Variants in ZDHHC23 observed in about 807,000 individuals in gnomAD.
ZDHHC23 encodes palmitoyltransferase ZDHHC23.
A neutral mutation model predicts 40.2 loss-of-function variants in ZDHHC23; 41 were observed. The ratio of observed to expected loss-of-function variants is 1.02; its 90% CI spans 0.79 to 1.32. The LOEUF is 1.32. Ranked by LOEUF, ZDHHC23 falls within the 40% of genes most tolerant of loss-of-function variation. The probability of loss-of-function intolerance (pLI) is 0.00; values close to 1 mark genes in which losing one functional copy is unlikely to be tolerated. For synonymous variants in ZDHHC23, 204 were observed against 210.2 expected (o/e 0.97, Z 0.26); for missense variants, 471 against 541.5 (o/e 0.87, Z 1.29).
chr3:113,973,970 C>T, the ZDHHC23 span, among the ~76,000 whole-genome samples: 1 of 150,344 alleles, frequency 6.7e-6, no homozygotes, highest in African/African-American at 2.4e-5. Flanking sequence ...GTCTTCATTC[C>T]TTTTCTTTTT....
the ZDHHC23 span, among the ~76,000 whole-genome samples, chr3:113,970,939 T>A: frequency 6.6e-6 from 1 of 152,206 alleles, no homozygotes; most frequent in Non-Finnish European, 1.5e-5. Flanking sequence ...GGTGTATATG[T>A]GCCACATTTT....
rs1319388497 is a variant in ZDHHC23 at position 113,963,311 on chromosome 3, A to C, written c.*4681A>C. ...GGCGCCATTGGAATATGGGCTGCTA[A>C]AGACTCAATTTCTAGTTGATGTTTG... On this transcript the variant is annotated 3_prime_UTR_variant, in exon 5 of 5. Coordinates refer to ENST00000638807, the MANE Select transcript of ZDHHC23 (RefSeq NM_001320466.2). The C allele has an allele frequency of 6.6e-6, 1 of 152,208 alleles. No homozygotes were observed. The highest frequency in any genetic ancestry group is 1.9e-4 in the East Asian group (1 of 5,200). The allele number at this position is 152,208 out of a possible 1,614,324, so 9.4% of individuals were successfully genotyped here.
chr3:113,969,113 A>G (rs912575910), downstream of ZDHHC23, among the ~76,000 whole-genome samples: 2 of 152,206 alleles, frequency 1.3e-5, no homozygotes, highest in African/African-American at 4.8e-5. Flanking sequence ...TAATAGAGTG[A>G]GAATGCACTC....
chr3:113,954,394 G>GA lies in ZDHHC23; in HGVS notation c.857dup (p.Asp286GlufsTer9), dbSNP rs1938976337. 6.3e-7 allele frequency: 1 copy of GA among 1,595,472 alleles called. No individual in the cohort carries two copies. Among genetic ancestry groups the GA allele is most frequent in the Admixed American group, 1.8e-5 (1 of 56,072 alleles). Reference sequence around the variant, plus strand: ...ATGTGGCATCTGTGTGAGGAGAATGGATCATCATTGTGTCTGGTATGTTGG... The same window carrying GA: ...ATGTGGCATCTGTGTGAGGAGAATGGAATCATCATTGTGTCTGGTATGTTGG... On this transcript the variant is annotated frameshift_variant, in exon 3 of 5. Coordinates refer to ENST00000638807, the MANE Select transcript of ZDHHC23 (RefSeq NM_001320466.2). LOFTEE classifies it high-confidence loss of function.
chr3:113,951,583 G>T (rs1938664333), intron 2 of ZDHHC23, among the ~76,000 whole-genome samples: 1 of 152,120 alleles, frequency 6.6e-6, no homozygotes, highest in Non-Finnish European at 1.5e-5. Context: ...GGGTGCCCTG[G>T]GCCCTCTTAT....
chr3:113,960,801 G>A lies in ZDHHC23; in HGVS notation c.*2171G>A. The A allele has an allele frequency of 6.7e-7, 1 of 1,496,972 alleles. No homozygotes were observed. Among genetic ancestry groups the A allele is most frequent in the Non-Finnish European group, 8.8e-7 (1 of 1,131,004 alleles). The allele number at this position is 1,496,972 out of a possible 1,614,324, so 92.7% of individuals were successfully genotyped here. A position where few individuals can be genotyped will look rare whatever the true frequency, so the allele number is the denominator to read the frequency against. On this transcript the variant is annotated 3_prime_UTR_variant, in exon 5 of 5. Coordinates refer to ENST00000638807, the MANE Select transcript of ZDHHC23 (RefSeq NM_001320466.2). ...TATTATTCAGGTTTATTGGCACGAAGATACTTGTTTTAAGTTCCTTGAGAA... is the reference window on the plus strand; with the variant it reads ...TATTATTCAGGTTTATTGGCACGAAAATACTTGTTTTAAGTTCCTTGAGAA...
At chr3:113,977,534 T>A in the ZDHHC23 span, among the ~76,000 whole-genome samples, 1 of 152,210 alleles carries the variant, frequency 6.6e-6, no homozygotes, top group South Asian at 2.1e-4. Flanking sequence ...CATAACTGTA[T>A]TTTAAATATT....
intron 4 of ZDHHC23, chr3:113,957,812 G>A (rs1278066372): frequency 3.9e-6 from 2 of 518,680 alleles, no homozygotes; most frequent in African/African-American, 3.9e-5. Flanking sequence ...TTGGGCTTTA[G>A]GAGGGTGAAT....
chr3:113,958,289 A>C, intron 4 of ZDHHC23, 74 bp from the exon 5 acceptor site: 2 of 1,386,390 alleles, frequency 1.4e-6, no homozygotes, highest in Non-Finnish European at 2.0e-6. Context: ...AAAAATGTGT[A>C]AAACGTGAGA....
intron 4 of ZDHHC23, among the ~76,000 whole-genome samples, chr3:113,957,046 GAT>G: frequency 1.3e-5 from 2 of 152,022 alleles, no homozygotes; most frequent in African/African-American, 4.8e-5. Flanking sequence ...CACCACTGAT[GAT>G]TACTGTGATA....
chr3:113,977,204 T>C, the ZDHHC23 span, among the ~76,000 whole-genome samples: 1 of 152,034 alleles, frequency 6.6e-6, no homozygotes, highest in Non-Finnish European at 1.5e-5. Flanking sequence ...GGCTGAGGCA[T>C]GAGAATTGCG....
upstream of ZDHHC23, chr3:113,948,009 G>A (rs571010922): frequency 0.016 from 2,347 of 150,550 alleles, 28 homozygotes; most frequent in African/African-American, 0.037. Context: ...GGCGGGCTGT[G>A]GTCACAGGTG....
intron 4 of ZDHHC23, chr3:113,957,815 G>A (rs1215225665): frequency 1.9e-6 from 1 of 518,758 alleles, no homozygotes; most frequent in Non-Finnish European, 3.8e-6. Flanking sequence ...GGCTTTAGGA[G>A]GGTGAATTTG....
chr3:113,976,236 G>T, the ZDHHC23 span, among the ~76,000 whole-genome samples: 1 of 151,932 alleles, frequency 6.6e-6, no homozygotes, highest in East Asian at 1.9e-4. Flanking sequence ...TCCAGCCTGG[G>T]TGACAGAGTA....
chr3:113,968,234 A>G (rs955232648), downstream of ZDHHC23, among the ~76,000 whole-genome samples: 3 of 152,132 alleles, frequency 2.0e-5, no homozygotes, highest in African/African-American at 7.2e-5. Flanking sequence ...TGGCTGTACT[A>G]ATTTACACTC....
the ZDHHC23 span, among the ~76,000 whole-genome samples, chr3:113,972,111 T>G: frequency 6.6e-6 from 1 of 152,112 alleles, no homozygotes; most frequent in East Asian, 1.9e-4. Context: ...TTTCTTCTAA[T>G]AATTTGGGGT....
intron 4 of ZDHHC23, chr3:113,957,612 T>A: frequency 2.2e-6 from 1 of 445,180 alleles, no homozygotes; most frequent in South Asian, 1.6e-5. Flanking sequence ...ACCTCATCTT[T>A]TTGGTTAGGT....
rs1019051724 is a variant in ZDHHC23, at chr3:113,958,284, T to A, written c.1041-79T>A. The A allele has an allele frequency of 3.7e-6, 5 of 1,339,186 alleles. No individual in the cohort carries two copies. In the African/African-American group the frequency reaches 7.3e-5, roughly 20 times the overall value. The allele number at this position is 1,339,186 out of a possible 1,614,324, so 83.0% of individuals were successfully genotyped here. On this transcript the variant is annotated intron_variant, in intron 4 of 4. Coordinates refer to ENST00000638807, the MANE Select transcript of ZDHHC23 (RefSeq NM_001320466.2). ...AAGTCTTTAGTAATAAGTAAAAAAA[T>A]GTGTAAAACGTGAGAATGATGACAG... is the stretch of plus-strand genomic sequence containing the variant.
At chr3:113,964,481 A>G (rs1939914632), downstream of ZDHHC23, 2 of 152,222 alleles carry the variant, frequency 1.3e-5, no homozygotes. Flanking sequence ...TGCAGGTGGG[A>G]GCATGAACAG....
Sources: allele counts gnomAD v4.1 joint callset (sites outside exome capture counted in the v4.1 genomes callset), GRCh38; gene constraint gnomAD v4.1.1; transcripts MANE v1.5; gene names NCBI Gene and HGNC (gene_info 2026-07-23, HGNC 2026-07-21).